The following LRCH1 variants were observed in gnomAD, a reference collection of about 807,000 sequenced individuals.
LRCH1 encodes leucine rich repeats and calponin homology domain containing 1, also known as leucine-rich repeat and calponin homology domain-containing protein 1.
LRCH1 carries 23 observed loss-of-function variants against 94.9 expected under a neutral mutation model. The observed-to-expected ratio is 0.24, with a 90% CI of 0.17 to 0.34. The LOEUF (loss-of-function observed/expected upper bound fraction) is 0.34, where lower values mean the gene tolerates loss of function less well. LRCH1 is among the 10% of genes least tolerant of loss of function. LRCH1 has a pLI of 1.00. For missense variants in LRCH1, 790 were observed against 945.9 expected (o/e 0.84, Z 2.16); for synonymous variants, 364 against 354.9 (o/e 1.03, Z -0.29).
chr13:46,751,297 G>A (rs1454627323), exon 19 of LRCH1: 2 of 151,950 alleles, frequency 1.3e-5, no homozygotes, highest in African/African-American at 4.8e-5. Context: ...TCTCAGTAAT[G>A]TTTCTGGTAT....
intron 3 of LRCH1, among the ~76,000 whole-genome samples, chr13:46,669,624 C>A (rs1011503007): frequency 1.3e-5 from 2 of 152,092 alleles, no homozygotes; most frequent in African/African-American, 4.8e-5. Context: ...TAAAATGTGA[C>A]CGTGTCCCTA....
chr13:46,616,420 C>T (rs984876698), intron 1 of LRCH1, among the ~76,000 whole-genome samples: 1 of 152,170 alleles, frequency 6.6e-6, no homozygotes, highest in Non-Finnish European at 1.5e-5. Flanking sequence ...ACAGCACCCC[C>T]AACCCAGTCT....
At chr13:46,668,807 C>T (rs1209880645) in intron 2 of LRCH1, among the ~76,000 whole-genome samples, 2 of 142,656 alleles carry the variant, frequency 1.4e-5, no homozygotes, top group Non-Finnish European at 3.0e-5. Flanking sequence ...CTGCCCATAC[C>T]CTTATTTTTT....
In LRCH1 at chr13:46,705,291, C is replaced by A; in HGVS notation, c.1514C>A (p.Ser505Tyr). 6.2e-7 allele frequency: 1 copy of A among 1,613,226 alleles called. No individual in the cohort carries two copies. The highest frequency in any genetic ancestry group is 8.5e-7 in the Non-Finnish European group (1 of 1,179,658). Residue 505 changes from serine to tyrosine, a missense_variant, in exon 13 of 20, where the codon TCT becomes TAT. By Grantham distance (144) the Ser-to-Tyr change is moderately radical. This residue lies in a region of LRCH1 where 460 missense variants were observed against 508.9 expected (regional missense o/e 0.90). Transcript: ENST00000389797. Reference protein sequence around the residue: ...ALNGQIQLETSPVCEVQSDLT... With the variant: ...ALNGQIQLETYPVCEVQSDLT... ...AGTGGTCAAATACAGCTGGAGACATCTCCGGTGTGTGAGGTAAGGCTGCTG... is the reference window on the plus strand; with the variant it reads ...AGTGGTCAAATACAGCTGGAGACATATCCGGTGTGTGAGGTAAGGCTGCTG...
intron 1 of LRCH1, among the ~76,000 whole-genome samples, chr13:46,584,445 A>C (rs2050407989): frequency 6.6e-6 from 1 of 152,222 alleles, no homozygotes; most frequent in African/African-American, 2.4e-5. Context: ...CTGTGTGCAC[A>C]TTACAGTTTG....
chr13:46,715,891 G>A (rs1371220113), intron 16 of LRCH1, among the ~76,000 whole-genome samples: 1 of 151,936 alleles, frequency 6.6e-6, no homozygotes, highest in East Asian at 1.9e-4. Context: ...ATTTGGGGAA[G>A]GCATTATAAT....
intron 1 of LRCH1, among the ~76,000 whole-genome samples, chr13:46,586,470 C>CA (rs1304837031): frequency 6.6e-6 from 1 of 152,190 alleles, no homozygotes; most frequent in African/African-American, 2.4e-5. Context: ...GGCTGGAGTG[C>CA]AGAGGTGCAA....
chr13:46,702,520 C>CAAAT (rs927412562), intron 11 of LRCH1, among the ~76,000 whole-genome samples: 2 of 151,822 alleles, frequency 1.3e-5, no homozygotes, highest in Admixed American at 6.6e-5. Context: ...AATAATAAAA[C>CAAAT]AAATAAATAA....
At chr13:46,702,610 AG>A (rs922923438) in intron 11 of LRCH1, among the ~76,000 whole-genome samples, 3 of 152,194 alleles carry the variant, frequency 2.0e-5, no homozygotes, top group African/African-American at 7.2e-5. Flanking sequence ...CCCCAGGAAA[AG>A]GGGAGATGGG....
chr13:46,553,771 C>G, intron 1 of LRCH1, 68 bp downstream of exon 1: 1 of 1,575,068 alleles, frequency 6.3e-7, no homozygotes, highest in Non-Finnish European at 8.6e-7. Flanking sequence ...CGTTCCCTAA[C>G]GCGGTGGACA....
chr13:46,670,535 C>T (rs1402475375), intron 3 of LRCH1, among the ~76,000 whole-genome samples: 3 of 152,186 alleles, frequency 2.0e-5, no homozygotes, highest in Non-Finnish European at 4.4e-5. Context: ...ATGTTCTCGC[C>T]GACTGAGTCT....
Position 46,590,983 on chromosome 13 carries a change from T to TC in LRCH1, c.307+37285dup, listed in dbSNP as rs1491388558. Among the ~76,000 whole-genome samples, 33 of 152,176 alleles carry TC rather than the reference T, an allele frequency of 2.2e-4. 3 individuals are homozygous for TC. The highest frequency in any genetic ancestry group is 1.7e-3 in the Admixed American group (26 of 15,292). Reference sequence around the variant, plus strand: ...TTTCATTGCTTATGGCTTTTTTTTTTCCCCCTGTAAGTTCTCTGCGAGCTA... The same window carrying TC: ...TTTCATTGCTTATGGCTTTTTTTTTTCCCCCCTGTAAGTTCTCTGCGAGCTA... On this transcript the variant is annotated intron_variant, in intron 1 of 19. Coordinates refer to ENST00000389797, the MANE Select transcript of LRCH1 (RefSeq NM_001164211.2).
At chr13:46,752,453 C>T (rs777069216) in exon 19 of LRCH1, 20 of 152,382 alleles carry the variant, frequency 1.3e-4, no homozygotes, top group South Asian at 2.1e-4. Context: ...TTTCTGAAAA[C>T]GGAAATTTGG....
chr13:46,649,721 C>G (rs183915933), intron 1 of LRCH1, among the ~76,000 whole-genome samples: 1 of 151,380 alleles, frequency 6.6e-6, no homozygotes, highest in Admixed American at 6.6e-5. Flanking sequence ...CCCAGCTACT[C>G]GAGAGGCTGA....
chr13:46,667,452 C>T (rs1003728212), intron 2 of LRCH1, among the ~76,000 whole-genome samples: 17 of 145,960 alleles, frequency 1.2e-4, no homozygotes, highest in African/African-American at 4.3e-4. Context: ...TTCATGTTCT[C>T]ACTCATAGGT....
intron 19 of LRCH1, among the ~76,000 whole-genome samples, chr13:46,735,415 C>T (rs969861124): frequency 2.0e-5 from 3 of 152,160 alleles, no homozygotes; most frequent in Middle Eastern, 3.2e-3. Flanking sequence ...TTCATCAGTG[C>T]TTTAGGTCAT....
At chr13:46,579,272 T>A (rs1266218663) in intron 1 of LRCH1, among the ~76,000 whole-genome samples, 1 of 152,156 alleles carries the variant, frequency 6.6e-6, no homozygotes, top group Non-Finnish European at 1.5e-5. Context: ...CAGAACACAG[T>A]TTAACTCTGG....
chr13:46,689,469 A>G (rs1870787917), intron 7 of LRCH1, among the ~76,000 whole-genome samples: 1 of 152,154 alleles, frequency 6.6e-6, no homozygotes, highest in South Asian at 2.1e-4. Context: ...ATTATCTAAA[A>G]TATTATTGAG....
At chr13:46,641,524 G>A (rs1347082178) in intron 1 of LRCH1, among the ~76,000 whole-genome samples, 1 of 152,150 alleles carries the variant, frequency 6.6e-6, no homozygotes, top group Non-Finnish European at 1.5e-5. Flanking sequence ...AAATTTCCAC[G>A]ATAACATGTT....
Sources: allele counts gnomAD v4.1 joint callset (sites outside exome capture counted in the v4.1 genomes callset), GRCh38; gene constraint gnomAD v4.1.1; regional missense constraint gnomAD v4.1.1; transcripts MANE v1.5; gene names NCBI Gene and HGNC (gene_info 2026-07-23, HGNC 2026-07-21).